CRISP1: variants seen among roughly 807,000 people sequenced by gnomAD.
The protein encoded by CRISP1 is cysteine-rich secretory protein 1.
Under a neutral mutation model 33.1 loss-of-function variants are expected in CRISP1, and 44 were observed. The observed-to-expected ratio is 1.33, with a 90% CI of 1.05 to 1.71. The LOEUF (loss-of-function observed/expected upper bound fraction) is 1.71, where lower values mean the gene tolerates loss of function less well. Among genes scored for constraint, CRISP1 ranks in the 40% most tolerant of loss-of-function variants. The pLI, the probability that CRISP1 is intolerant of heterozygous loss-of-function variation, is 0.00. For synonymous variants in CRISP1, 103 were observed against 98.7 expected, an observed-to-expected ratio of 1.04 and a Z score of -0.26; for missense variants, 390 against 301.2, an observed-to-expected ratio of 1.29 and a Z score of -2.18.
At chr6:49,842,104 A>C (rs962433014) in intron 5 of CRISP1, among the ~76,000 whole-genome samples, 4 of 152,240 alleles carry the variant, frequency 2.6e-5, no homozygotes, top group Admixed American at 2.0e-4. Context: ...AAAGAGAGTC[A>C]TGCATGGGTG....
At chr6:49,856,785 A>G (rs1210908889) in intron 2 of CRISP1, among the ~76,000 whole-genome samples, 1 of 152,074 alleles carries the variant, frequency 6.6e-6, no homozygotes. Flanking sequence ...ATATTATATC[A>G]TTGAGTGTTC....
chr6:49,874,331 T>C (rs1286185071), intron 1 of CRISP1, among the ~76,000 whole-genome samples: 1 of 152,088 alleles, frequency 6.6e-6, no homozygotes, highest in Non-Finnish European at 1.5e-5. Flanking sequence ...ATAGACCCAA[T>C]TGATTTCAGA....
intron 7 of CRISP1, 34 bp from the exon 8 acceptor site, chr6:49,835,477 C>G (rs748329637): frequency 1.3e-6 from 2 of 1,599,274 alleles, no homozygotes. Flanking sequence ...ACAACACAGT[C>G]TTTTAAAAAT....
chr6:49,861,698 A>G (rs1254832675), intron 1 of CRISP1, among the ~76,000 whole-genome samples: 1 of 152,108 alleles, frequency 6.6e-6, no homozygotes, highest in Non-Finnish European at 1.5e-5. Context: ...AGCCTGTGCA[A>G]CATGGTGAAA....
chr6:49,853,198 G>C (rs1477361049), intron 2 of CRISP1, among the ~76,000 whole-genome samples: 1 of 152,098 alleles, frequency 6.6e-6, no homozygotes, highest in East Asian at 1.9e-4. Context: ...CTAGAGGACA[G>C]GCTGCGGACC....
At chr6:49,859,106 A>G (rs1771574485) in intron 1 of CRISP1, among the ~76,000 whole-genome samples, 2 of 152,042 alleles carry the variant, frequency 1.3e-5, no homozygotes, top group Non-Finnish European at 2.9e-5. Flanking sequence ...GGATGCTTCT[A>G]GACTCTCACA....
chr6:49,860,847 A>G (rs1471706536), intron 1 of CRISP1, among the ~76,000 whole-genome samples: 2 of 152,022 alleles, frequency 1.3e-5, no homozygotes, highest in Non-Finnish European at 2.9e-5. Flanking sequence ...TATAAACAAG[A>G]CCAATAGGCC....
intron 5 of CRISP1, among the ~76,000 whole-genome samples, chr6:49,844,992 C>T (rs1439939292): frequency 6.6e-6 from 1 of 151,950 alleles, no homozygotes; most frequent in Non-Finnish European, 1.5e-5. Flanking sequence ...AATTTGAGGG[C>T]TCTTGGGATG....
chr6:49,869,889 AG>A (rs938739683), upstream of CRISP1, among the ~76,000 whole-genome samples: 2 of 152,150 alleles, frequency 1.3e-5, no homozygotes, highest in Non-Finnish European at 2.9e-5. Flanking sequence ...GACTAATCCC[AG>A]GGGTACTAAA....
intron 5 of CRISP1, among the ~76,000 whole-genome samples, chr6:49,845,707 C>CAAAAAAAAA (rs111269611): frequency 6.9e-6 from 1 of 145,392 alleles, no homozygotes; most frequent in Non-Finnish European, 1.5e-5. Flanking sequence ...TCACAATAGC[C>CAAAAAAAAA]AAAAAAAAAA....
At chr6:49,850,158 T>G in intron 3 of CRISP1, among the ~76,000 whole-genome samples, 1 of 150,602 alleles carries the variant, frequency 6.6e-6, no homozygotes, top group Non-Finnish European at 1.5e-5. Context: ...AATGACGAGT[T>G]AATGGGTGCA....
At chr6:49,854,101 A>G (rs911004746) in intron 2 of CRISP1, among the ~76,000 whole-genome samples, 3 of 152,172 alleles carry the variant, frequency 2.0e-5, no homozygotes, top group Non-Finnish European at 4.4e-5. Context: ...CTCAGTAAAG[A>G]GAAGCCATCA....
intron 7 of CRISP1, among the ~76,000 whole-genome samples, chr6:49,836,582 G>A (rs1770803601): frequency 6.6e-6 from 1 of 151,744 alleles, no homozygotes; most frequent in South Asian, 2.1e-4. Context: ...CTCGTGATCC[G>A]CCCGCCTCGG....
chr6:49,874,724 G>A lies in CRISP1; in HGVS notation c.-3+2285C>T, dbSNP rs145919230. 4.6e-3 allele frequency among the ~76,000 whole-genome samples: 704 copies of A among 152,062 alleles called. 6 individuals are homozygous for A. The highest frequency in any genetic ancestry group is 0.016 in the African/African-American group (660 of 41,510). ...TATCCACCACGATCAAGCTGCCTTC[G>A]TCTCCAAGATGCAAGTTTGGTCCAA... On this transcript the variant is annotated intron_variant, in intron 1 of 7. Coordinates refer to the CRISP1 transcript ENST00000505118.
Position 49,846,557 on chromosome 6 carries a change from G to T in CRISP1, c.398C>A (p.Thr133Lys). Residue 133 changes from threonine to lysine, a missense_variant, in exon 5 of 8, where the codon ACA (threonine) becomes AAA (lysine). Transcript: ENST00000335847. Reference protein sequence around the residue: ...STSFKHGEWTTTDDDITTDHY... With the variant: ...STSFKHGEWTKTDDDITTDHY... Reference sequence around the variant, plus strand: ...GTCAGTAGTTATGTCATCATCCGTTGTTGTCCATTCTCCATGTTTGAAACT... The same window carrying T: ...GTCAGTAGTTATGTCATCATCCGTTTTTGTCCATTCTCCATGTTTGAAACT... 1.2e-6 allele frequency: 2 copies of T among 1,613,512 alleles called. No individual in the cohort carries two copies. The highest frequency in any genetic ancestry group is 1.7e-6 in the Non-Finnish European group (2 of 1,179,694).
At chr6:49,874,455 A>G (rs1771989926) in intron 1 of CRISP1, among the ~76,000 whole-genome samples, 1 of 152,080 alleles carries the variant, frequency 6.6e-6, no homozygotes, top group Non-Finnish European at 1.5e-5. Context: ...TTGAATGTAA[A>G]TGTTAGAAGT....
intron 5 of CRISP1, among the ~76,000 whole-genome samples, chr6:49,844,617 A>AG (rs1267096917): frequency 6.6e-6 from 1 of 152,174 alleles, no homozygotes; most frequent in African/African-American, 2.4e-5. Flanking sequence ...GCTAAAGGGA[A>AG]AAGGCTGCCC....
Position 49,840,878 on chromosome 6 carries a change from TA to T in CRISP1, c.533+19del. On this transcript the variant is annotated intron_variant, in intron 6 of 7. Transcript: ENST00000335847. The stretch of plus-strand genomic sequence containing the variant: ...GGTTACTTTAGGGGGATATATATTT[TA>T]AAAACTAATAATACATACTCATGAC... 1 of 1,589,532 alleles carries T rather than the reference TA, an allele frequency of 6.3e-7. No individual in the cohort carries two copies. Among genetic ancestry groups the T allele is most frequent in the Non-Finnish European group, 8.6e-7 (1 of 1,161,192 alleles).
In CRISP1 at chr6:49,835,258, T is replaced by C. The variant is rs2127466891; in HGVS notation, c.*58A>G. On this transcript the variant is annotated 3_prime_UTR_variant, in exon 8 of 8. Coordinates refer to ENST00000335847, the MANE Select transcript of CRISP1 (RefSeq NM_001131.3). The stretch of plus-strand genomic sequence containing the variant: ...ACTGAACTATAGCAAAAGACATGAA[T>C]CCAACAGACATCTCCTCCTCATCGT... 6.4e-7 allele frequency: 1 copy of C among 1,572,982 alleles called. No homozygotes were observed. The highest frequency in any genetic ancestry group is 1.8e-5 in the Admixed American group (1 of 56,634).
Sources: allele counts gnomAD v4.1 joint callset (sites outside exome capture counted in the v4.1 genomes callset), GRCh38; gene constraint gnomAD v4.1.1; transcripts MANE v1.5; gene names NCBI Gene and HGNC (gene_info 2026-07-23, HGNC 2026-07-21).